Variants in TAFA1 observed in about 807,000 individuals in gnomAD.
The protein encoded by TAFA1 is TAFA chemokine like family member 1.
TAFA1 carries 4 observed loss-of-function variants against 18.5 expected under a neutral mutation model. The ratio of observed to expected loss-of-function variants is 0.22; its 90% confidence interval spans 0.11 to 0.49. TAFA1 has a LOEUF of 0.49. Ranked by LOEUF, TAFA1 falls within the 20% of genes least tolerant of loss-of-function variation. TAFA1 has a pLI of 0.98. For synonymous variants in TAFA1, 56 were observed against 55.2 expected (o/e 1.01, Z -0.06); for missense variants, 147 against 169.0 (o/e 0.87, Z 0.72).
At chr3:68,080,304 T>C (rs1385899999) in intron 2 of TAFA1, among the ~76,000 whole-genome samples, 1 of 152,166 alleles carries the variant, frequency 6.6e-6, no homozygotes, top group Non-Finnish European at 1.5e-5. Flanking sequence ...GAGCATTTAG[T>C]CCATTTACAT....
intron 2 of TAFA1, among the ~76,000 whole-genome samples, chr3:68,157,649 T>C (rs1394769476): frequency 6.6e-6 from 1 of 152,176 alleles, no homozygotes; most frequent in Non-Finnish European, 1.5e-5. Context: ...TCTTTAGTCA[T>C]TTCCAAATAG....
chr3:68,356,791 T>G lies in TAFA1; in HGVS notation c.119-60489T>G, dbSNP rs77722062. ...ACATATCCATACACACATACATACATGCATACATACATATATTGTGCTAAA... is the reference window on the plus strand; with the variant it reads ...ACATATCCATACACACATACATACAGGCATACATACATATATTGTGCTAAA... On this transcript the variant is annotated intron_variant, in intron 2 of 4. Transcript: ENST00000478136. Among the ~76,000 whole-genome samples the G allele has an allele frequency of 0.011, 1,661 of 152,082 alleles. 84 individuals are homozygous for G. The East Asian group carries it at 0.16, about 15-fold the overall frequency.
At chr3:68,077,905 T>G (rs1457162199) in intron 2 of TAFA1, among the ~76,000 whole-genome samples, 2 of 152,118 alleles carry the variant, frequency 1.3e-5, no homozygotes, top group Non-Finnish European at 2.9e-5. Flanking sequence ...TTGGGCAGTA[T>G]GGACACTTTC....
At chr3:68,381,917 T>C (rs975525394) in intron 2 of TAFA1, among the ~76,000 whole-genome samples, 10 of 152,320 alleles carry the variant, frequency 6.6e-5, no homozygotes, top group African/African-American at 2.4e-4. Context: ...TTGTCATAGA[T>C]AGCTCTTATT....
chr3:68,531,433 T>G (rs991131356), intron 3 of TAFA1, among the ~76,000 whole-genome samples: 5 of 150,548 alleles, frequency 3.3e-5, no homozygotes, highest in Non-Finnish European at 1.5e-5. Flanking sequence ...GACCTTTGAC[T>G]TGGGGTTTTA....
At chr3:68,173,141 A>AT (rs1170088645) in intron 2 of TAFA1, among the ~76,000 whole-genome samples, 1 of 152,158 alleles carries the variant, frequency 6.6e-6, no homozygotes, top group Non-Finnish European at 1.5e-5. Context: ...TATGTAAAAA[A>AT]GCTACATTCC....
intron 3 of TAFA1, among the ~76,000 whole-genome samples, chr3:68,526,515 G>A (rs147468182): frequency 6.6e-6 from 1 of 152,016 alleles, no homozygotes; most frequent in African/African-American, 2.4e-5. Flanking sequence ...CTGCACAGTG[G>A]AATCAACCAA....
chr3:68,444,520 C>CA lies in TAFA1; in HGVS notation c.259+27103dup, dbSNP rs1575873061. Among the ~76,000 whole-genome samples the CA allele has an allele frequency of 2.0e-5, 3 of 152,172 alleles. No individual in the cohort carries two copies. The East Asian group carries it at 5.8e-4, about 29-fold the overall frequency. On this transcript the variant is annotated intron_variant, in intron 3 of 4. Transcript: ENST00000478136. Reference sequence around the variant, plus strand: ...CAATGCTACACCATGTAAGGAAGTACAAATCTTGGGTGAATAGTTAACCAT... The same window carrying CA: ...CAATGCTACACCATGTAAGGAAGTACAAAATCTTGGGTGAATAGTTAACCAT...
intron 2 of TAFA1, among the ~76,000 whole-genome samples, chr3:68,199,618 A>G (rs2201128): frequency 0.14 from 21,052 of 151,448 alleles, 1,862 homozygotes; most frequent in Non-Finnish European, 0.19. Flanking sequence ...GCTAATGTAA[A>G]TGGTATTGTG....
chr3:68,071,481 G>T (rs949602770), intron 2 of TAFA1, among the ~76,000 whole-genome samples: 1 of 152,152 alleles, frequency 6.6e-6, no homozygotes. Context: ...CATCATCAGT[G>T]GGGTGAATGG....
upstream of TAFA1, among the ~76,000 whole-genome samples, chr3:68,002,513 A>C (rs1426333867): frequency 6.6e-6 from 1 of 152,238 alleles, no homozygotes; most frequent in East Asian, 1.9e-4. Flanking sequence ...ATTCATTAGC[A>C]TAGCAAAACC....
intron 2 of TAFA1, among the ~76,000 whole-genome samples, chr3:68,056,257 A>G (rs1024548351): frequency 3.3e-5 from 5 of 152,164 alleles, no homozygotes; most frequent in Admixed American, 2.0e-4. Context: ...GACCAATTCT[A>G]GAGATCTGTT....
At chr3:68,062,138 T>A (rs1429816948) in intron 2 of TAFA1, among the ~76,000 whole-genome samples, 1 of 152,206 alleles carries the variant, frequency 6.6e-6, no homozygotes, top group Non-Finnish European at 1.5e-5. Flanking sequence ...TTTAATAATC[T>A]TATTTTTGTG....
At chr3:68,140,845 A>G (rs2065660202) in intron 2 of TAFA1, among the ~76,000 whole-genome samples, 1 of 152,152 alleles carries the variant, frequency 6.6e-6, no homozygotes, top group Non-Finnish European at 1.5e-5. Context: ...CCTACCTTCA[A>G]AATCTTGGCA....
At chr3:68,404,684 C>G (rs2070563508) in intron 2 of TAFA1, among the ~76,000 whole-genome samples, 1 of 151,984 alleles carries the variant, frequency 6.6e-6, no homozygotes, top group Non-Finnish European at 1.5e-5. Context: ...GTAATCCCAG[C>G]TACTTGGGAG....
intron 2 of TAFA1, among the ~76,000 whole-genome samples, chr3:68,398,017 G>T (rs1278585975): frequency 1.3e-5 from 2 of 152,086 alleles, no homozygotes; most frequent in South Asian, 4.2e-4. Flanking sequence ...CAAATTCAGT[G>T]TTATTCCCAT....
rs150477084 is a variant in TAFA1 at position 68,509,085 on chromosome 3, C to T, written c.260-29671C>T. On this transcript the variant is annotated intron_variant, in intron 3 of 4. Coordinates refer to ENST00000478136, the MANE Select transcript of TAFA1 (RefSeq NM_213609.4). ...GTGTTGATGCACCATTGTCAATCTC[C>T]AGTCTCTATGATAAGGAAGGAAAAT... Among the ~76,000 whole-genome samples, 389 of 152,120 alleles carry T rather than the reference C, an allele frequency of 2.6e-3. 2 individuals are homozygous for T. The highest frequency in any genetic ancestry group is 8.7e-3 in the African/African-American group (361 of 41,536).
chr3:68,383,332 G>A (rs988472464), intron 2 of TAFA1, among the ~76,000 whole-genome samples: 5 of 152,010 alleles, frequency 3.3e-5, no homozygotes, highest in Non-Finnish European at 5.9e-5. Flanking sequence ...TGTCGTAGAT[G>A]GCTCTTATTA....
chr3:68,032,017 A>T (rs1160629443), intron 2 of TAFA1, among the ~76,000 whole-genome samples: 3 of 152,162 alleles, frequency 2.0e-5, no homozygotes, highest in Admixed American at 6.6e-5. Flanking sequence ...CTGACATCTA[A>T]GTCTTGATAT....
Sources: allele counts gnomAD v4.1 joint callset (sites outside exome capture counted in the v4.1 genomes callset), GRCh38; gene constraint gnomAD v4.1.1; transcripts MANE v1.5; gene names NCBI Gene and HGNC (gene_info 2026-07-23, HGNC 2026-07-21).